The following EXT2 variants were observed in gnomAD, a reference collection of about 807,000 sequenced individuals.
EXT2 encodes the protein exostosin-2.
A neutral mutation model predicts 81.6 loss-of-function variants in EXT2; 53 were observed. The observed-to-expected ratio is 0.65, with a 90% CI of 0.52 to 0.82. EXT2 has a LOEUF of 0.82. EXT2 is among the 40% of genes least tolerant of loss of function. EXT2 has a pLI of 0.00. For synonymous variants in EXT2, 320 were observed against 340.0 expected, an observed-to-expected ratio of 0.94 and a Z score of 0.65; for missense variants, 774 against 910.2, an observed-to-expected ratio of 0.85 and a Z score of 1.93.
chr11:44,144,871 G>GT lies in EXT2; in HGVS notation c.1173+14742dup, dbSNP rs1011342870. On this transcript the variant is annotated intron_variant, in intron 7 of 13. Transcript: ENST00000533608. ...TCCCCAAGTAGCATTTATTTTGAAAGTTTTTTTTTAATAGGGCAAAAGCAT... is the reference window on the plus strand; with the variant it reads ...TCCCCAAGTAGCATTTATTTTGAAAGTTTTTTTTTTAATAGGGCAAAAGCAT... 1.5e-3 allele frequency among the ~76,000 whole-genome samples: 234 copies of GT among 151,694 alleles called. 1 individual carries two copies. The East Asian group carries it at 0.032, about 21-fold the overall frequency.
chr11:44,195,320 G>C (rs577362303), intron 8 of EXT2, among the ~76,000 whole-genome samples: 1 of 152,100 alleles, frequency 6.6e-6, no homozygotes, highest in Non-Finnish European at 1.5e-5. Flanking sequence ...TGTAATCCCA[G>C]CTACTTGGGA....
chr11:44,182,341 C>T (rs1010253271), intron 8 of EXT2, among the ~76,000 whole-genome samples: 1 of 152,210 alleles, frequency 6.6e-6, no homozygotes, highest in South Asian at 2.1e-4. Context: ...ATTTCTGTTT[C>T]CAGAGCCCCT....
chr11:44,192,792 A>C (rs962198650), intron 8 of EXT2, among the ~76,000 whole-genome samples: 1 of 152,202 alleles, frequency 6.6e-6, no homozygotes. Context: ...CCCTCTGTTA[A>C]ATATCTCTAT....
At chr11:44,125,109 T>A in intron 5 of EXT2, 125 bp downstream of exon 5, 1 of 889,196 alleles carries the variant, frequency 1.1e-6, no homozygotes, top group Non-Finnish European at 1.8e-6. Context: ...GAAGAAAACA[T>A]AGCATTGCTC....
chr11:44,247,154 C>A lies in EXT2; in HGVS notation c.*2867C>A, dbSNP rs540875635. ...AACCCTCACACATTTAGGTATAAAC[C>A]TCCTTTTCTGGGAGAATTAAAGAGA... On this transcript the variant is annotated 3_prime_UTR_variant, in exon 14 of 14. Coordinates refer to ENST00000533608, the MANE Select transcript of EXT2 (RefSeq NM_207122.2). 6.6e-6 allele frequency among the ~76,000 whole-genome samples: 1 copy of A among 152,160 alleles called. No individual in the cohort carries two copies. The highest frequency in any genetic ancestry group is 1.9e-4 in the East Asian group (1 of 5,186).
chr11:44,214,545 A>C (rs1955693972), intron 10 of EXT2, among the ~76,000 whole-genome samples: 1 of 152,120 alleles, frequency 6.6e-6, no homozygotes, highest in African/African-American at 2.4e-5. Context: ...GTTTTGATAA[A>C]TTGTATTTTC....
intron 10 of EXT2, among the ~76,000 whole-genome samples, chr11:44,214,201 C>T (rs970154292): frequency 1.3e-4 from 20 of 152,240 alleles, no homozygotes; most frequent in Non-Finnish European, 2.5e-4. Flanking sequence ...GCAAGCTCCG[C>T]CTCCCGGGTT....
rs570324105 is a variant in EXT2, at chr11:44,247,482, C to T, written c.*3195C>T. On this transcript the variant is annotated 3_prime_UTR_variant, in exon 14 of 14. Coordinates refer to ENST00000533608, the MANE Select transcript of EXT2 (RefSeq NM_207122.2). ...AGCCAGGCTGGTCTCGAACTCCTGA[C>T]CTCAGGTGATCTGCACGCCTTGACC... Among the ~76,000 whole-genome samples, 221 of 152,290 alleles carry T rather than the reference C, an allele frequency of 1.5e-3. 1 individual carries two copies. Among genetic ancestry groups the T allele is most frequent in the African/African-American group, 5.1e-3 (214 of 41,560 alleles).
chr11:44,142,312 T>C (rs1385887082), intron 7 of EXT2, among the ~76,000 whole-genome samples: 1 of 152,260 alleles, frequency 6.6e-6, no homozygotes, highest in East Asian at 1.9e-4. Context: ...CTACTGTTCT[T>C]GGGAATGTTT....
At chr11:44,235,986 TTA>T (rs1409958210) in intron 12 of EXT2, among the ~76,000 whole-genome samples, 10 of 152,180 alleles carry the variant, frequency 6.6e-5, no homozygotes, top group Non-Finnish European at 1.5e-4. Context: ...CAAATGGTGT[TTA>T]TACAAGGACC....
chr11:44,201,618 T>C (rs1955523561), intron 9 of EXT2, among the ~76,000 whole-genome samples: 1 of 152,218 alleles, frequency 6.6e-6, no homozygotes, highest in Admixed American at 6.5e-5. Context: ...AATCATCATG[T>C]GTTGTCAGTT....
chr11:44,183,521 A>G (rs1413034871), intron 8 of EXT2, among the ~76,000 whole-genome samples: 8 of 152,122 alleles, frequency 5.3e-5, no homozygotes, highest in Non-Finnish European at 8.8e-5. Flanking sequence ...TGAATATTAC[A>G]TATCTGCAAT....
intron 7 of EXT2, among the ~76,000 whole-genome samples, chr11:44,137,214 A>C (rs1423696934): frequency 6.6e-6 from 1 of 152,352 alleles, no homozygotes; most frequent in East Asian, 1.9e-4. Context: ...ATGGGAAGCC[A>C]AGAAAAGCAT....
intron 7 of EXT2, among the ~76,000 whole-genome samples, chr11:44,144,087 TCAAA>T (rs1488842998): frequency 6.6e-6 from 1 of 152,224 alleles, no homozygotes; most frequent in Non-Finnish European, 1.5e-5. Context: ...CTTTCTCTAA[TCAAA>T]CAAACTTACG....
intron 7 of EXT2, among the ~76,000 whole-genome samples, chr11:44,136,509 G>A (rs1217091724): frequency 6.6e-6 from 1 of 152,128 alleles, no homozygotes; most frequent in African/African-American, 2.4e-5. Context: ...AGTGCTTATT[G>A]AATAGTCTTC....
intron 7 of EXT2, among the ~76,000 whole-genome samples, chr11:44,132,662 A>T (rs1359847883): frequency 6.6e-6 from 1 of 152,194 alleles, no homozygotes; most frequent in African/African-American, 2.4e-5. Flanking sequence ...CCCCTTGAAC[A>T]GCTCTAGTCA....
At chr11:44,207,485 T>C (rs887466980) in intron 10 of EXT2, among the ~76,000 whole-genome samples, 6 of 152,302 alleles carry the variant, frequency 3.9e-5, no homozygotes, top group Admixed American at 2.6e-4. Flanking sequence ...GGGTTAAGTA[T>C]GGAGACCAGT....
intron 7 of EXT2, among the ~76,000 whole-genome samples, chr11:44,133,921 A>G (rs1246198729): frequency 6.6e-6 from 1 of 152,234 alleles, no homozygotes; most frequent in Admixed American, 6.5e-5. Flanking sequence ...AAGTCATACT[A>G]CCTGACAAAG....
intron 6 of EXT2, among the ~76,000 whole-genome samples, chr11:44,127,306 T>A (rs965047600): frequency 1.3e-4 from 19 of 151,998 alleles, no homozygotes; most frequent in African/African-American, 4.6e-4. Flanking sequence ...ATCACAGGGG[T>A]CCCCAACTCC....
Sources: allele counts gnomAD v4.1 joint callset (sites outside exome capture counted in the v4.1 genomes callset), GRCh38; gene constraint gnomAD v4.1.1; transcripts MANE v1.5; gene names NCBI Gene and HGNC (gene_info 2026-07-23, HGNC 2026-07-21).